The following CENPP variants were observed in gnomAD, a reference collection of about 807,000 sequenced individuals.
CENPP encodes centromere protein P.
Under a neutral mutation model 35.6 loss-of-function variants are expected in CENPP, and 24 were observed. The observed-to-expected ratio is 0.67, with a 90% CI of 0.49 to 0.95. The LOEUF is 0.95. CENPP is among the 40% of genes least tolerant of loss of function. CENPP has a pLI of 0.00. For synonymous variants in CENPP, 120 were observed against 125.5 expected (o/e 0.96, Z 0.29); for missense variants, 332 against 345.3 (o/e 0.96, Z 0.31).
chr9:92,525,846 C>T (rs757452067), intron 5 of CENPP, among the ~76,000 whole-genome samples: 4 of 139,000 alleles, frequency 2.9e-5, no homozygotes, highest in African/African-American at 5.5e-5. Context: ...GTAGCTAGGA[C>T]TACAGGTATG....
At chr9:92,487,621 A>G (rs1014423581) in intron 5 of CENPP, among the ~76,000 whole-genome samples, 2 of 152,222 alleles carry the variant, frequency 1.3e-5, no homozygotes, top group South Asian at 2.1e-4. Flanking sequence ...AGCTAAAACA[A>G]TTAAGTCAGC....
rs367962483 is a variant in CENPP, at chr9:92,375,575, C to T, written c.468-4188C>T. ...CCTCCCAAAGTGCTGGGATTACAGGCGTGAGCCACCGCGCCCGGCCATTTT... is the reference window on the plus strand; with the variant it reads ...CCTCCCAAAGTGCTGGGATTACAGGTGTGAGCCACCGCGCCCGGCCATTTT... On this transcript the variant is annotated intron_variant, in intron 4 of 7. Coordinates refer to ENST00000375587, the MANE Select transcript of CENPP (RefSeq NM_001012267.3). Among the ~76,000 whole-genome samples, 134 of 152,244 alleles carry T rather than the reference C, an allele frequency of 8.8e-4. No homozygotes were observed. The East Asian group carries it at 0.017, about 20-fold the overall frequency.
chr9:92,608,169 A>G (rs1027946272), intron 5 of CENPP, among the ~76,000 whole-genome samples: 1 of 152,240 alleles, frequency 6.6e-6, no homozygotes, highest in African/African-American at 2.4e-5. Flanking sequence ...TCCTTAAGCC[A>G]GAAGTCTCAG....
intron 5 of CENPP, among the ~76,000 whole-genome samples, chr9:92,428,353 A>G (rs1195677021): frequency 6.6e-6 from 1 of 152,220 alleles, no homozygotes; most frequent in Non-Finnish European, 1.5e-5. Context: ...AGAGCTGCTT[A>G]TTAAAAATTC....
intron 5 of CENPP, among the ~76,000 whole-genome samples, chr9:92,523,680 G>A (rs1246559607): frequency 6.6e-6 from 1 of 152,218 alleles, no homozygotes; most frequent in Non-Finnish European, 1.5e-5. Flanking sequence ...TCTCCTTTGT[G>A]CTTAAACAGC....
intron 4 of CENPP, among the ~76,000 whole-genome samples, chr9:92,374,561 G>T (rs540863637): frequency 6.6e-6 from 1 of 152,162 alleles, no homozygotes; most frequent in East Asian, 1.9e-4. Flanking sequence ...AACTAGATTG[G>T]CATTAATAAT....
In CENPP at chr9:92,615,825, G is replaced by T. The variant is rs758334027; in HGVS notation, c.*2676G>T. The T allele has an allele frequency of 6.3e-7, 1 of 1,597,190 alleles. No homozygotes were observed. The highest frequency in any genetic ancestry group is 8.6e-7 in the Non-Finnish European group (1 of 1,164,778). On this transcript the variant is annotated 3_prime_UTR_variant, in exon 8 of 8. Transcript: ENST00000375587. ...GTTCAAGTTTCAAAGACACTGCAGG[G>T]AAAGAGTTAGACCTTGTGGAGAACT...
At chr9:92,377,918 C>T (rs966634884) in intron 4 of CENPP, among the ~76,000 whole-genome samples, 1 of 152,004 alleles carries the variant, frequency 6.6e-6, no homozygotes, top group Non-Finnish European at 1.5e-5. Flanking sequence ...ATTTCATAAA[C>T]AGATGTAAAA....
chr9:92,404,451 C>G, intron 5 of CENPP: 1 of 1,206,562 alleles, frequency 8.3e-7, no homozygotes, highest in South Asian at 1.4e-5. Context: ...GTCAGTCGCA[C>G]TTTAACAAAC....
intron 5 of CENPP, chr9:92,384,878 A>G (rs578048491): frequency 6.6e-6 from 1 of 152,588 alleles, no homozygotes; most frequent in Admixed American, 6.5e-5. Flanking sequence ...TCTTATAAGC[A>G]TATTGGTTTT....
At chr9:92,378,874 C>T (rs1343918209) in intron 4 of CENPP, among the ~76,000 whole-genome samples, 1 of 152,142 alleles carries the variant, frequency 6.6e-6, no homozygotes, top group African/African-American at 2.4e-5. Flanking sequence ...GGTTCTCTGT[C>T]ACCAACTGGA....
intron 5 of CENPP, among the ~76,000 whole-genome samples, chr9:92,532,814 C>T (rs1015346574): frequency 6.6e-6 from 1 of 151,878 alleles, no homozygotes; most frequent in Admixed American, 6.6e-5. Context: ...GTGTCTATTT[C>T]GGTTGTCTCT....
intron 5 of CENPP, among the ~76,000 whole-genome samples, chr9:92,433,994 G>T (rs1844185480): frequency 6.6e-6 from 1 of 151,960 alleles, no homozygotes; most frequent in African/African-American, 2.4e-5. Flanking sequence ...CTTATACTTT[G>T]TGCTCACCTT....
At chr9:92,370,063 A>G (rs961644644) in intron 4 of CENPP, among the ~76,000 whole-genome samples, 12 of 152,294 alleles carry the variant, frequency 7.9e-5, no homozygotes, top group African/African-American at 2.4e-4. Flanking sequence ...TTTCTGCATC[A>G]ATTGAGATTA....
intron 5 of CENPP, among the ~76,000 whole-genome samples, chr9:92,577,571 A>G (rs1387052983): frequency 6.6e-6 from 1 of 152,206 alleles, no homozygotes; most frequent in African/African-American, 2.4e-5. Context: ...GTTTAGAAAC[A>G]GGCAAAAAAA....
Position 92,437,890 on chromosome 9 carries a change from C to G in CENPP, c.564+58031C>G, listed in dbSNP as rs924527422. Reference sequence around the variant, plus strand: ...TCCTCCCACCTCAGCCTCCAGTGATCCTCCCACCTCAGCCTCCAGTGATCC... The same window carrying G: ...TCCTCCCACCTCAGCCTCCAGTGATGCTCCCACCTCAGCCTCCAGTGATCC... On this transcript the variant is annotated intron_variant, in intron 5 of 7. Coordinates refer to ENST00000375587, the MANE Select transcript of CENPP (RefSeq NM_001012267.3). Among the ~76,000 whole-genome samples, 3 of 150,822 alleles carry G rather than the reference C, an allele frequency of 2.0e-5. No individual in the cohort carries two copies. The South Asian group carries it at 6.3e-4, about 32-fold the overall frequency.
Position 92,415,139 on chromosome 9 carries a change from A to G in CENPP, c.564+35280A>G, listed in dbSNP as rs768184042. ...TTTGTGAAGTCGTAAGTGTATACCT[A>G]TATAGTTTCTTGCTATTCTTGATTT... is the stretch of plus-strand genomic sequence containing the variant. On this transcript the variant is annotated intron_variant, in intron 5 of 7. Transcript: ENST00000375587. The G allele has an allele frequency of 3.8e-6, 6 of 1,589,796 alleles. No individual in the cohort carries two copies. In the East Asian group the frequency reaches 1.3e-4, roughly 36 times the overall value.
At chr9:92,573,799 CG>C (rs1467659777) in intron 5 of CENPP, among the ~76,000 whole-genome samples, 1 of 152,204 alleles carries the variant, frequency 6.6e-6, no homozygotes, top group Non-Finnish European at 1.5e-5. Flanking sequence ...TCAGCAATGG[CG>C]GATGCCTGTC....
chr9:92,609,339 A>G (rs1851171406), intron 5 of CENPP, among the ~76,000 whole-genome samples: 1 of 152,192 alleles, frequency 6.6e-6, no homozygotes, highest in South Asian at 2.1e-4. Flanking sequence ...TTGTCCCCAC[A>G]CAACCTCATT....
Sources: allele counts gnomAD v4.1 joint callset (sites outside exome capture counted in the v4.1 genomes callset), GRCh38; gene constraint gnomAD v4.1.1; transcripts MANE v1.5; gene names NCBI Gene and HGNC (gene_info 2026-07-23, HGNC 2026-07-21).